Variants in GPATCH2 observed in about 807,000 individuals in gnomAD.
GPATCH2 encodes the protein G-patch domain containing 2, also known as G patch domain-containing protein 2.
GPATCH2 carries 51 observed loss-of-function variants against 58.0 expected under a neutral mutation model. That is an observed-to-expected ratio of 0.88 (90% CI 0.70 to 1.11). The LOEUF (loss-of-function observed/expected upper bound fraction) is 1.11. Among genes scored for constraint, GPATCH2 ranks in the 50% most tolerant of loss-of-function variants. The pLI is 0.00. For synonymous variants in GPATCH2, 222 were observed against 218.5 expected (o/e 1.02, Z -0.14); for missense variants, 625 against 652.2 (o/e 0.96, Z 0.45).
intron 5 of GPATCH2, among the ~76,000 whole-genome samples, chr1:217,552,428 A>T (rs1425247378): frequency 1.3e-5 from 2 of 152,144 alleles, no homozygotes; most frequent in South Asian, 2.1e-4. Context: ...CAAATTCAAT[A>T]CTGGTTTACC....
At chr1:217,539,272 G>A (rs115992121) in intron 5 of GPATCH2, among the ~76,000 whole-genome samples, 2,537 of 152,126 alleles carry the variant, frequency 0.017, 34 homozygotes, top group Non-Finnish European at 0.02. Context: ...AAAAAAAATG[G>A]TTATTCTCTC....
intron 9 of GPATCH2, among the ~76,000 whole-genome samples, chr1:217,440,596 G>T (rs1054583202): frequency 1.3e-5 from 2 of 152,132 alleles, no homozygotes; most frequent in African/African-American, 4.8e-5. Context: ...TGACATGATT[G>T]CATATTTAGA....
At chr1:217,585,659 T>G (rs567493986) in intron 5 of GPATCH2, among the ~76,000 whole-genome samples, 3 of 152,064 alleles carry the variant, frequency 2.0e-5, no homozygotes. Context: ...GCAGGAATGT[T>G]TGTAATAGCC....
chr1:217,489,691 C>T (rs1176475394), intron 8 of GPATCH2, among the ~76,000 whole-genome samples: 2 of 152,022 alleles, frequency 1.3e-5, no homozygotes, highest in Non-Finnish European at 1.5e-5. Flanking sequence ...AGTGAAACCC[C>T]GTCTCTACTA....
rs1253972428 is a variant in GPATCH2, at chr1:217,606,608, G to A, written c.1098+3713C>T. On this transcript the variant is annotated intron_variant, in intron 5 of 9. Transcript: ENST00000366935. Reference sequence around the variant, plus strand: ...ATATAAAAATTAGCCAGACATGTTGGTGCACGCCTGTAGACCCTGCTACTC... The same window carrying A: ...ATATAAAAATTAGCCAGACATGTTGATGCACGCCTGTAGACCCTGCTACTC... 2.0e-5 allele frequency among the ~76,000 whole-genome samples: 3 copies of A among 152,138 alleles called. No homozygotes were observed. The East Asian group carries it at 5.8e-4, about 29-fold the overall frequency.
At chr1:217,434,424 C>T (rs929696450) in intron 9 of GPATCH2, among the ~76,000 whole-genome samples, 11 of 152,132 alleles carry the variant, frequency 7.2e-5, no homozygotes, top group Non-Finnish European at 5.9e-5. Context: ...CAGGACAGAC[C>T]TCCAAGGTAT....
At chr1:217,572,936 T>G (rs890708498) in intron 5 of GPATCH2, among the ~76,000 whole-genome samples, 1 of 152,182 alleles carries the variant, frequency 6.6e-6, no homozygotes, top group Non-Finnish European at 1.5e-5. Context: ...TAAAAGTAAT[T>G]TCCAAATGTA....
Position 217,522,698 on chromosome 1 carries a change from T to C in GPATCH2, c.1099-7809A>G, listed in dbSNP as rs758188331. Among the ~76,000 whole-genome samples the C allele has an allele frequency of 6.0e-5, 9 of 148,940 alleles. 1 individual carries two copies. The highest frequency in any genetic ancestry group is 8.8e-5 in the Non-Finnish European group (6 of 68,018). On this transcript the variant is annotated intron_variant, in intron 5 of 9. Coordinates refer to ENST00000366935, the MANE Select transcript of GPATCH2 (RefSeq NM_018040.5). ...CCCACTGCTATACACTTGGATTAGA[T>C]TGGCAATCTATATATCTTCTAAAAT...
At chr1:217,476,653 T>C (rs1430785089) in intron 8 of GPATCH2, among the ~76,000 whole-genome samples, 3 of 152,130 alleles carry the variant, frequency 2.0e-5, no homozygotes, top group Non-Finnish European at 2.9e-5. Context: ...CAAACTCAGC[T>C]GACGCCTGCC....
rs1432617091 is a variant in GPATCH2, at chr1:217,429,665, T to C, written c.*1480A>G. On this transcript the variant is annotated 3_prime_UTR_variant, in exon 10 of 10. Transcript: ENST00000366935. ...CAACATGGTGAAACTCCGTCTATACTAAAAATACAAAAATTATCCGGGTAT... is the reference window on the plus strand; with the variant it reads ...CAACATGGTGAAACTCCGTCTATACCAAAAATACAAAAATTATCCGGGTAT... The C allele has an allele frequency of 6.6e-6, 1 of 151,734 alleles. No individual in the cohort carries two copies. The highest frequency in any genetic ancestry group is 1.5e-5 in the Non-Finnish European group (1 of 67,980). The allele number at this position is 151,734 out of a possible 1,614,324, so 9.4% of individuals were successfully genotyped here.
chr1:217,427,831 G>T lies in GPATCH2; in HGVS notation c.*3314C>A, dbSNP rs1443217894. 6.6e-6 allele frequency: 1 copy of T among 152,048 alleles called. No individual in the cohort carries two copies. Among genetic ancestry groups the T allele is most frequent in the Non-Finnish European group, 1.5e-5 (1 of 67,980 alleles). 9.4% of individuals were successfully genotyped at this position (152,048 alleles called of 1,614,324 possible). On this transcript the variant is annotated 3_prime_UTR_variant, in exon 10 of 10. Transcript: ENST00000366935. ...ATATTAAAATAAACATTAATAAAAT[G>T]CAGTATTTTGTAATTATGTCTGTAT...
chr1:217,564,957 A>G (rs867644246), intron 5 of GPATCH2, among the ~76,000 whole-genome samples: 10 of 152,044 alleles, frequency 6.6e-5, no homozygotes, highest in Middle Eastern at 3.4e-3. Flanking sequence ...TGCCTCTCAA[A>G]CTAGACATCA....
At chr1:217,568,710 G>A (rs565270991) in intron 5 of GPATCH2, among the ~76,000 whole-genome samples, 1 of 152,314 alleles carries the variant, frequency 6.6e-6, no homozygotes, top group South Asian at 2.1e-4. Flanking sequence ...GAAAGATGGG[G>A]AGAGGGGCTT....
At chr1:217,464,297 G>A (rs1465746480) in intron 8 of GPATCH2, among the ~76,000 whole-genome samples, 1 of 152,058 alleles carries the variant, frequency 6.6e-6, no homozygotes, top group Non-Finnish European at 1.5e-5. Context: ...CCTCAAACAG[G>A]TGGTTGGATA....
chr1:217,586,365 CTT>C (rs34196545), intron 5 of GPATCH2, among the ~76,000 whole-genome samples: 5 of 149,102 alleles, frequency 3.4e-5, no homozygotes, highest in Admixed American at 6.7e-5. Flanking sequence ...TATTTTATAC[CTT>C]TTTTTTTTAA....
chr1:217,559,243 G>C (rs144948884), intron 5 of GPATCH2, among the ~76,000 whole-genome samples: 1 of 151,726 alleles, frequency 6.6e-6, no homozygotes, highest in East Asian at 1.9e-4. Context: ...AACCAGATCA[G>C]CTAAGGCCAA....
At chr1:217,456,605 C>T (rs867954918) in intron 8 of GPATCH2, among the ~76,000 whole-genome samples, 12 of 152,102 alleles carry the variant, frequency 7.9e-5, no homozygotes, top group African/African-American at 2.7e-4. Context: ...TCAGAAGAGC[C>T]AGAAACTTAC....
At chr1:217,516,579 T>C (rs149056400) in intron 5 of GPATCH2, among the ~76,000 whole-genome samples, 1 of 152,304 alleles carries the variant, frequency 6.6e-6, no homozygotes, top group African/African-American at 2.4e-5. Context: ...ACACTGTGGC[T>C]ATGAGAAAAG....
Position 217,505,370 on chromosome 1 carries a change from A to AT in GPATCH2, c.1167-6976dup, listed in dbSNP as rs549511806. On this transcript the variant is annotated intron_variant, in intron 6 of 9. Coordinates refer to ENST00000366935, the MANE Select transcript of GPATCH2 (RefSeq NM_018040.5). ...TTGGTAACCCTGTGGAGTAGAAATAATTTTTTTTTTAAGAATGACTGGAAA... is the reference window on the plus strand; with the variant it reads ...TTGGTAACCCTGTGGAGTAGAAATAATTTTTTTTTTTAAGAATGACTGGAAA... 2.6e-4 allele frequency among the ~76,000 whole-genome samples: 39 copies of AT among 150,126 alleles called. No individual in the cohort carries two copies. In the South Asian group the frequency reaches 5.3e-3, roughly 21 times the overall value.
Sources: allele counts gnomAD v4.1 joint callset (sites outside exome capture counted in the v4.1 genomes callset), GRCh38; gene constraint gnomAD v4.1.1; transcripts MANE v1.5; gene names NCBI Gene and HGNC (gene_info 2026-07-23, HGNC 2026-07-21).